Variants in SNW1 observed in about 807,000 individuals in gnomAD.
SNW1 encodes the protein SNW domain-containing protein 1.
SNW1 carries 9 observed loss-of-function variants against 75.6 expected under a neutral mutation model. The observed-to-expected ratio is 0.12, with a 90% confidence interval of 0.07 to 0.21. The LOEUF is 0.21. Ranked by LOEUF, SNW1 falls within the 10% of genes least tolerant of loss-of-function variation. The pLI is 1.00. For synonymous variants in SNW1, 200 were observed against 219.1 expected, an observed-to-expected ratio of 0.91 and a Z score of 0.77; for missense variants, 409 against 670.9, an observed-to-expected ratio of 0.61 and a Z score of 4.31.
intron 10 of SNW1, among the ~76,000 whole-genome samples, chr14:77,729,384 C>T (rs1158195882): frequency 6.6e-6 from 1 of 152,172 alleles, no homozygotes; most frequent in African/African-American, 2.4e-5. Flanking sequence ...ATTTTGTCAA[C>T]TCTACTACCA....
At chr14:77,741,846 C>T (rs1438943824) in intron 3 of SNW1, among the ~76,000 whole-genome samples, 1 of 152,106 alleles carries the variant, frequency 6.6e-6, no homozygotes, top group African/African-American at 2.4e-5. Flanking sequence ...CCCTGGTAGT[C>T]ATGTATGTTC....
intron 3 of SNW1, among the ~76,000 whole-genome samples, chr14:77,749,409 T>C (rs2080789954): frequency 6.6e-6 from 1 of 151,758 alleles, no homozygotes. Context: ...CTGAAAAAAG[T>C]GAAGAAAATT....
rs971430888 is a variant in SNW1 at position 77,760,139 on chromosome 14, A to G, written c.14+975T>C. Among the ~76,000 whole-genome samples the G allele has an allele frequency of 1.1e-4, 16 of 152,278 alleles. No individual in the cohort carries two copies. In the Middle Eastern group the frequency reaches 0.01, roughly 97 times the overall value. ...TTGCACCCCTATCTTCCCTGTTGCCAAAGACAGATTTTCTTCTGTGTACAC... is the reference window on the plus strand; with the variant it reads ...TTGCACCCCTATCTTCCCTGTTGCCGAAGACAGATTTTCTTCTGTGTACAC... On this transcript the variant is annotated intron_variant, in intron 1 of 13. Coordinates refer to ENST00000261531, the MANE Select transcript of SNW1 (RefSeq NM_012245.3).
intron 9 of SNW1, 37 bp from the exon 10 acceptor site, chr14:77,731,166 A>G (rs778945389): frequency 6.2e-7 from 1 of 1,603,036 alleles, no homozygotes; most frequent in Non-Finnish European, 8.5e-7. Context: ...GGACACTATC[A>G]TGGGATAAAT....
At chr14:77,742,575 A>G (rs1349625999) in intron 3 of SNW1, among the ~76,000 whole-genome samples, 1 of 152,146 alleles carries the variant, frequency 6.6e-6, no homozygotes, top group Non-Finnish European at 1.5e-5. Context: ...AACATTCACT[A>G]TGTGAGGTAG....
rs2080533751 is a variant in SNW1 at position 77,720,797 on chromosome 14, T to C, written c.1162A>G (p.Ile388Val). The C allele has an allele frequency of 1.9e-6, 3 of 1,613,680 alleles. No individual in the cohort carries two copies. The highest frequency in any genetic ancestry group is 2.2e-5 in the East Asian group (1 of 44,874). ...SKLQRNENRD[I>V]SEVIALGVPN... ...ACACCGAGAGCAATAACTTCACTGA[T>C]ATCCCGATTTTCATTTCTCTGAAGT... Residue 388 changes from isoleucine to valine, a missense_variant, in exon 12 of 14, where the codon ATC (isoleucine) becomes GTC (valine). Ile to Val is a conservative substitution (Grantham distance 29). Around this residue, in one of 9 missense-constraint regions of SNW1, gnomAD observed 126 missense variants for 167.6 expected, o/e 0.75. Coordinates refer to ENST00000261531, the MANE Select transcript of SNW1 (RefSeq NM_012245.3).
At chr14:77,747,476 G>A (rs2080770359) in intron 3 of SNW1, among the ~76,000 whole-genome samples, 1 of 151,412 alleles carries the variant, frequency 6.6e-6, no homozygotes, top group African/African-American at 2.4e-5. Flanking sequence ...AGTGAGGAGC[G>A]TCTCTGCCCG....
chr14:77,748,037 C>T (rs542801791), intron 3 of SNW1, among the ~76,000 whole-genome samples: 3 of 152,334 alleles, frequency 2.0e-5, no homozygotes, highest in South Asian at 2.1e-4. Context: ...GGGAAGTAGA[C>T]GTAGGAGACT....
chr14:77,752,755 AAAAAG>A (rs1171518522), intron 2 of SNW1, among the ~76,000 whole-genome samples: 1 of 152,244 alleles, frequency 6.6e-6, no homozygotes, highest in Non-Finnish European at 1.5e-5. Flanking sequence ...TTGATGGAAA[AAAAAG>A]AAAATATTCA....
At chr14:77,756,205 C>G (rs560298891) in intron 1 of SNW1, among the ~76,000 whole-genome samples, 98 of 152,236 alleles carry the variant, frequency 6.4e-4, no homozygotes, top group African/African-American at 2.1e-3. Context: ...ACTGAAACCT[C>G]TGTCGCCTGG....
At chr14:77,747,613 C>T (rs1216017830) in intron 3 of SNW1, among the ~76,000 whole-genome samples, 2 of 151,560 alleles carry the variant, frequency 1.3e-5, no homozygotes, top group Non-Finnish European at 1.5e-5. Flanking sequence ...GCCACCCCGT[C>T]TGAGAAGGGA....
intron 3 of SNW1, among the ~76,000 whole-genome samples, chr14:77,745,860 C>A (rs1053853452): frequency 2.6e-5 from 4 of 152,116 alleles, no homozygotes; most frequent in Non-Finnish European, 5.9e-5. Flanking sequence ...CCTGTCACTA[C>A]AAAAAATACA....
intron 9 of SNW1, 116 bp from the exon 10 acceptor site, chr14:77,731,245 T>TA (rs2080624862): frequency 1.8e-6 from 2 of 1,108,708 alleles, no homozygotes; most frequent in East Asian, 4.9e-5. Context: ...TCAGATTTGT[T>TA]ATTGCTAATT....
chr14:77,740,933 CCA>C (rs947707777), intron 3 of SNW1, among the ~76,000 whole-genome samples: 1 of 151,436 alleles, frequency 6.6e-6, no homozygotes, highest in African/African-American at 2.4e-5. Flanking sequence ...CCCGTCTCTC[CCA>C]AAAACAGAAA....
chr14:77,749,384 A>T (rs576991727), intron 3 of SNW1, among the ~76,000 whole-genome samples: 3 of 152,168 alleles, frequency 2.0e-5, no homozygotes, highest in Non-Finnish European at 4.4e-5. Context: ...GGCAAAAACA[A>T]CTCCTGAAAC....
chr14:77,732,644 C>A, intron 8 of SNW1, 43 bp from the exon 9 acceptor site: 1 of 1,021,896 alleles, frequency 9.8e-7, no homozygotes, highest in Non-Finnish European at 1.5e-6. Context: ...AGAAGTGCTT[C>A]AATTAATCGT....
At chr14:77,729,369 A>G (rs1409503999) in intron 10 of SNW1, among the ~76,000 whole-genome samples, 2 of 152,104 alleles carry the variant, frequency 1.3e-5, no homozygotes, top group Non-Finnish European at 2.9e-5. Context: ...CTAATCCACA[A>G]ACAAATTTTG....
intron 1 of SNW1, among the ~76,000 whole-genome samples, chr14:77,758,434 C>G (rs887304245): frequency 1.3e-5 from 2 of 152,056 alleles, no homozygotes; most frequent in African/African-American, 2.4e-5. Flanking sequence ...ATCCCACAGG[C>G]AGTATGCCTA....
intron 1 of SNW1, among the ~76,000 whole-genome samples, chr14:77,756,611 T>C (rs1371890130): frequency 6.6e-6 from 1 of 152,134 alleles, no homozygotes; most frequent in Non-Finnish European, 1.5e-5. Flanking sequence ...AGGCCAGCCA[T>C]GGTGGCTCAC....
Sources: allele counts gnomAD v4.1 joint callset (sites outside exome capture counted in the v4.1 genomes callset), GRCh38; gene constraint gnomAD v4.1.1; regional missense constraint gnomAD v4.1.1; transcripts MANE v1.5; gene names NCBI Gene and HGNC (gene_info 2026-07-23, HGNC 2026-07-21).